The following BCL2 variants were observed in gnomAD, a reference collection of about 807,000 sequenced individuals.
BCL2 encodes BCL2 apoptosis regulator.
In BCL2, 1 loss-of-function variant was observed where a neutral mutation model predicts 14.2. That is an observed-to-expected ratio of 0.07 (90% CI 0.02 to 0.33). The LOEUF is 0.33. Ranked by LOEUF, BCL2 falls within the 10% of genes least tolerant of loss-of-function variation. The pLI is 0.99. For missense variants in BCL2, 247 were observed against 305.9 expected, an observed-to-expected ratio of 0.81 and a Z score of 1.44; for synonymous variants, 151 against 137.2, an observed-to-expected ratio of 1.10 and a Z score of -0.70.
intron 2 of BCL2, chr18:63,302,680 C>T (rs1173118855): frequency 4.1e-6 from 4 of 984,262 alleles, no homozygotes; most frequent in South Asian, 4.7e-5. Context: ...TTTCATAACA[C>T]AAGAGATATA....
intron 2 of BCL2, among the ~76,000 whole-genome samples, chr18:63,231,095 C>T: frequency 6.6e-6 from 1 of 151,956 alleles, no homozygotes; most frequent in East Asian, 1.9e-4. Context: ...ATTAGAAAAT[C>T]TTAATGTAAT....
At chr18:63,218,351 A>G (rs1337910084) in intron 2 of BCL2, among the ~76,000 whole-genome samples, 1 of 151,796 alleles carries the variant, frequency 6.6e-6, no homozygotes, top group Non-Finnish European at 1.5e-5. Flanking sequence ...ATCTCCTAAA[A>G]CCCTCAATGT....
At chr18:63,285,139 G>A (rs1024417338) in intron 2 of BCL2, among the ~76,000 whole-genome samples, 6 of 152,186 alleles carry the variant, frequency 3.9e-5, no homozygotes, top group African/African-American at 1.2e-4. Context: ...AGGCTCACAC[G>A]CAGCAGCTGG....
At chr18:63,278,790 G>T (rs1424145250) in intron 2 of BCL2, among the ~76,000 whole-genome samples, 1 of 152,110 alleles carries the variant, frequency 6.6e-6, no homozygotes, top group East Asian at 1.9e-4. Flanking sequence ...ACAATACCAA[G>T]ACTTATAGAG....
At position 63,172,400 on chromosome 18, in the gene BCL2, G is replaced by A. The variant is rs188185029; in HGVS notation, c.586-43641C>T. ...CTGAAGAACTGGTGAGATGGATCTG[G>A]CTTTTTCATCAGAATATTATTATTT... On this transcript the variant is annotated intron_variant, in intron 2 of 2. Coordinates refer to ENST00000333681, the MANE Select transcript of BCL2 (RefSeq NM_000633.3). Among the ~76,000 whole-genome samples the A allele has an allele frequency of 2.1e-4, 32 of 152,266 alleles. 1 individual carries two copies. The highest frequency in any genetic ancestry group is 2.1e-3 in the South Asian group (10 of 4,824).
intron 2 of BCL2, 56 bp from the exon 3 acceptor site, chr18:63,128,815 G>C (rs1913985554): frequency 1.4e-6 from 1 of 723,304 alleles, no homozygotes; most frequent in Non-Finnish European, 2.6e-6. Context: ...AGAGAGCAGA[G>C]AATGCCACCC....
intron 2 of BCL2, among the ~76,000 whole-genome samples, chr18:63,148,990 C>T (rs1914579747): frequency 6.6e-6 from 1 of 152,170 alleles, no homozygotes; most frequent in Non-Finnish European, 1.5e-5. Flanking sequence ...ATCACGCGGC[C>T]TCCCTAAATG....
intron 2 of BCL2, among the ~76,000 whole-genome samples, chr18:63,261,872 C>T (rs1249346067): frequency 6.6e-6 from 1 of 151,880 alleles, no homozygotes; most frequent in Non-Finnish European, 1.5e-5. Flanking sequence ...CTCTACCTCC[C>T]AGGTTCAAGC....
At chr18:63,211,849 A>G (rs1365229456) in intron 2 of BCL2, among the ~76,000 whole-genome samples, 3 of 152,234 alleles carry the variant, frequency 2.0e-5, no homozygotes, top group Admixed American at 6.5e-5. Context: ...CTCTTCAGTC[A>G]TGAAAATCAG....
chr18:63,271,121 C>T (rs868740872), intron 2 of BCL2, among the ~76,000 whole-genome samples: 8 of 152,176 alleles, frequency 5.3e-5, no homozygotes, highest in African/African-American at 1.9e-4. Context: ...TGCGCCTGGC[C>T]AAAGAACCAT....
At chr18:63,156,153 AGAG>A (rs1568218209) in intron 2 of BCL2, among the ~76,000 whole-genome samples, 1 of 149,742 alleles carries the variant, frequency 6.7e-6, no homozygotes, top group Non-Finnish European at 1.5e-5. Flanking sequence ...GGGTGTTCAA[AGAG>A]GAGAAGAAAG....
intron 2 of BCL2, among the ~76,000 whole-genome samples, chr18:63,298,328 G>T (rs1013401410): frequency 1.3e-4 from 20 of 152,174 alleles, no homozygotes; most frequent in African/African-American, 4.6e-4. Context: ...TCAGATTCTG[G>T]CCCATGGGCC....
chr18:63,303,447 AT>A (rs1463153752), intron 2 of BCL2, among the ~76,000 whole-genome samples: 1 of 152,260 alleles, frequency 6.6e-6, no homozygotes, highest in Non-Finnish European at 1.5e-5. Context: ...AGTTATTAAA[AT>A]AAAGATGACT....
intron 2 of BCL2, among the ~76,000 whole-genome samples, chr18:63,287,829 A>G (rs1450567667): frequency 6.6e-6 from 1 of 152,192 alleles, no homozygotes; most frequent in African/African-American, 2.4e-5. Flanking sequence ...CAGGATTCAG[A>G]TATGTGGGGA....
chr18:63,319,947 G>T (rs1333514026), upstream of BCL2: 1 of 160,962 alleles, frequency 6.2e-6, no homozygotes, highest in Non-Finnish European at 1.4e-5. Flanking sequence ...CGCTGGCTAC[G>T]GCCGCCTCCC....
rs1318539936 is a variant in BCL2 at position 63,193,645 on chromosome 18, T to C, written c.586-64886A>G. Among the ~76,000 whole-genome samples, 4 of 150,732 alleles carry C rather than the reference T, an allele frequency of 2.7e-5. No individual in the cohort carries two copies. The South Asian group carries it at 6.3e-4, about 24-fold the overall frequency. On this transcript the variant is annotated intron_variant, in intron 2 of 2. Coordinates refer to ENST00000333681, the MANE Select transcript of BCL2 (RefSeq NM_000633.3). ...ACACACATACAAATACACACACACA[T>C]ATATATACACATACATATATATACA...
chr18:63,274,371 C>T (rs1912091395), intron 2 of BCL2, among the ~76,000 whole-genome samples: 1 of 150,122 alleles, frequency 6.7e-6, no homozygotes, highest in South Asian at 2.1e-4. Flanking sequence ...CAACCTCCTC[C>T]TCTTGGGTTC....
At chr18:63,211,838 G>T (rs1171656766) in intron 2 of BCL2, among the ~76,000 whole-genome samples, 1 of 152,224 alleles carries the variant, frequency 6.6e-6, no homozygotes, top group Non-Finnish European at 1.5e-5. Flanking sequence ...CCAGCCTGAA[G>T]CTCTTCAGTC....
At chr18:63,290,695 C>T (rs530207926) in intron 2 of BCL2, among the ~76,000 whole-genome samples, 1 of 152,222 alleles carries the variant, frequency 6.6e-6, no homozygotes, top group South Asian at 2.1e-4. Context: ...GGAGAGATCA[C>T]CTTTCATGGG....
Sources: gnomAD v4.1 joint callset for allele counts (sites outside exome capture counted in the v4.1 genomes callset) on GRCh38, gnomAD v4.1.1 for gene constraint, MANE v1.5 for transcripts, NCBI Gene and HGNC (gene_info 2026-07-23, HGNC 2026-07-21) for gene names.